The following ZNF341 variants were observed in gnomAD, a reference collection of about 807,000 sequenced individuals.
The protein encoded by ZNF341 is zinc finger protein 341.
In ZNF341, 52 loss-of-function variants were observed where a neutral mutation model predicts 87.7. The observed-to-expected ratio is 0.59, with a 90% confidence interval of 0.47 to 0.75. The LOEUF (loss-of-function observed/expected upper bound fraction) is 0.75, where lower values mean the gene tolerates loss of function less well. Ranked by LOEUF, ZNF341 falls within the 30% of genes least tolerant of loss-of-function variation. The probability of loss-of-function intolerance (pLI) is 0.00; values close to 1 mark genes in which losing one functional copy is unlikely to be tolerated. For missense variants in ZNF341, 977 were observed against 1,145.9 expected (o/e 0.85, Z 2.13); for synonymous variants, 459 against 472.7 (o/e 0.97, Z 0.38).
intron 10 of ZNF341, among the ~76,000 whole-genome samples, chr20:33,780,094 G>C (rs551063269): frequency 1.3e-5 from 2 of 152,280 alleles, no homozygotes; most frequent in African/African-American, 4.8e-5. Context: ...CTTGAGACAG[G>C]GTGGCCAGGA....
intron 4 of ZNF341, among the ~76,000 whole-genome samples, chr20:33,750,735 G>A (rs537883357): frequency 6.6e-6 from 1 of 152,158 alleles, no homozygotes; most frequent in South Asian, 2.1e-4. Flanking sequence ...CCGCATCCTG[G>A]GTTCAAGCGA....
At chr20:33,767,099 GC>G in intron 9 of ZNF341, 58 bp downstream of exon 9, 1 of 1,556,618 alleles carries the variant, frequency 6.4e-7, no homozygotes, top group Non-Finnish European at 8.7e-7. Flanking sequence ...TTTCACTGGT[GC>G]TAGGGTCTTG....
intron 4 of ZNF341, chr20:33,752,078 A>G (rs970205431): frequency 3.8e-5 from 15 of 393,668 alleles, no homozygotes; most frequent in African/African-American, 2.9e-4. Context: ...AGATTCTCAG[A>G]TCCCAGTCAC....
chr20:33,767,871 C>A (rs1169412986), intron 9 of ZNF341, among the ~76,000 whole-genome samples: 3 of 152,176 alleles, frequency 2.0e-5, no homozygotes, highest in African/African-American at 7.2e-5. Context: ...ACCATAGACT[C>A]AGGCTTCTAG....
In ZNF341 at chr20:33,789,521, G is replaced by GCA. The variant is rs1245871442; in HGVS notation, c.1973_1974dup (p.Gly659GlnfsTer13). 1.9e-6 allele frequency: 3 copies of GCA among 1,613,864 alleles called. No homozygotes were observed. The Admixed American group carries it at 5.0e-5, about 27-fold the overall frequency. The stretch of plus-strand genomic sequence containing the variant: ...GACCAGTGGCTTTGGGTTTTAGGAC[G>GCA]CACACAGGCTGCAGTAAGGAGTTCA... On this transcript the variant is annotated frameshift_variant, in exon 14 of 15. Transcript: ENST00000375200. LOFTEE classifies it high-confidence loss of function.
chr20:33,734,599 G>A (rs925487111), intron 1 of ZNF341, among the ~76,000 whole-genome samples: 11 of 152,272 alleles, frequency 7.2e-5, no homozygotes, highest in African/African-American at 2.4e-4. Flanking sequence ...AAGTGGTGCC[G>A]CCCCAGAGGG....
intron 6 of ZNF341, among the ~76,000 whole-genome samples, chr20:33,758,318 C>G (rs899836117): frequency 2.0e-5 from 3 of 152,136 alleles, no homozygotes; most frequent in Admixed American, 2.0e-4. Context: ...CAAGGGGGAA[C>G]AGCAGGTGCA....
chr20:33,765,124 G>A (rs1030987068), intron 8 of ZNF341, among the ~76,000 whole-genome samples: 1 of 151,958 alleles, frequency 6.6e-6, no homozygotes, highest in African/African-American at 2.4e-5. Flanking sequence ...CATCATGCCT[G>A]GTGCCACATT....
At chr20:33,752,322 T>C in intron 4 of ZNF341, 2 of 614,802 alleles carry the variant, frequency 3.3e-6, no homozygotes, top group Non-Finnish European at 6.2e-6. Context: ...TTTATTCCTT[T>C]GTCTCAGACA....
chr20:33,754,264 A>G (rs945258801), intron 5 of ZNF341, among the ~76,000 whole-genome samples: 2 of 152,148 alleles, frequency 1.3e-5, no homozygotes, highest in African/African-American at 2.4e-5. Context: ...CAATCAATGT[A>G]CCATACTAAT....
At chr20:33,774,537 C>T (rs530367675) in intron 10 of ZNF341, among the ~76,000 whole-genome samples, 1 of 152,254 alleles carries the variant, frequency 6.6e-6, no homozygotes, top group South Asian at 2.1e-4. Flanking sequence ...ATATTTGAGT[C>T]AGGTGATGCC....
chr20:33,760,910 T>G (rs1387034093), intron 7 of ZNF341, among the ~76,000 whole-genome samples: 2 of 152,208 alleles, frequency 1.3e-5, no homozygotes, highest in Non-Finnish European at 2.9e-5. Flanking sequence ...GCTCTAGATC[T>G]TGCATTTTTT....
chr20:33,779,023 G>A (rs1270489138), intron 10 of ZNF341, among the ~76,000 whole-genome samples: 2 of 152,074 alleles, frequency 1.3e-5, no homozygotes, highest in East Asian at 3.9e-4. Flanking sequence ...TTCTTGCACT[G>A]CTATAAAGAA....
At position 33,755,770 on chromosome 20, in the gene ZNF341, GT is replaced by G. The variant is rs576187485; in HGVS notation, c.742-1374del. ...ACCATGCCCATCTAATTTTTTTAAT[GT>G]TTTGTGGAGATGAGATCTCCCTATG... On this transcript the variant is annotated intron_variant, in intron 5 of 14. Coordinates refer to ENST00000375200, the MANE Select transcript of ZNF341 (RefSeq NM_001282933.2). Among the ~76,000 whole-genome samples, 179 of 151,558 alleles carry G rather than the reference GT, an allele frequency of 1.2e-3. 1 individual carries two copies. The highest frequency in any genetic ancestry group is 4.2e-3 in the African/African-American group (174 of 41,386).
chr20:33,761,982 C>A lies in ZNF341; in HGVS notation c.1149C>A (p.Thr383=). ...KVWPPGHSGG[T]VSRNSVTVQV... ...GGCCTCCAGGACACAGTGGTGGCAC[C>A]GTGTCTCGAAACTCTGTGACCGTAC... Residue 383 remains threonine (T), a synonymous_variant, in exon 8 of 15, where the codon ACC becomes ACA. Coordinates refer to ENST00000375200, the MANE Select transcript of ZNF341 (RefSeq NM_001282933.2). 3.1e-6 allele frequency: 5 copies of A among 1,606,294 alleles called. No individual in the cohort carries two copies. The highest frequency in any genetic ancestry group is 4.3e-6 in the Non-Finnish European group (5 of 1,174,468).
At chr20:33,766,171 C>T (rs980377079) in intron 8 of ZNF341, among the ~76,000 whole-genome samples, 1 of 151,916 alleles carries the variant, frequency 6.6e-6, no homozygotes, top group South Asian at 2.1e-4. Context: ...AGGTGTGAGC[C>T]ACCGCACCTG....
chr20:33,787,169 G>A (rs1006828218), intron 12 of ZNF341: 2 of 151,868 alleles, frequency 1.3e-5, no homozygotes, highest in African/African-American at 2.4e-5. Context: ...TGCATCTTCA[G>A]TTTATTTACA....
chr20:33,782,758 C>T (rs1240212528), intron 11 of ZNF341, among the ~76,000 whole-genome samples: 4 of 152,204 alleles, frequency 2.6e-5, no homozygotes, highest in Admixed American at 2.0e-4. Flanking sequence ...CCGTGACCAA[C>T]GCTCTACCAA....
At chr20:33,766,521 TG>T (rs1397428015) in intron 8 of ZNF341, among the ~76,000 whole-genome samples, 1 of 152,102 alleles carries the variant, frequency 6.6e-6, no homozygotes, top group African/African-American at 2.4e-5. Context: ...AAGAGGGGAC[TG>T]GGGAGGCATT....
Sources: gnomAD v4.1 joint callset for allele counts (sites outside exome capture counted in the v4.1 genomes callset) on GRCh38, gnomAD v4.1.1 for gene constraint, MANE v1.5 for transcripts, NCBI Gene and HGNC (gene_info 2026-07-23, HGNC 2026-07-21) for gene names.